TCEA2: variants seen among roughly 807,000 people sequenced by gnomAD.
TCEA2 encodes transcription elongation factor A2.
Under a neutral mutation model 40.8 loss-of-function variants are expected in TCEA2, and 21 were observed. The ratio of observed to expected loss-of-function variants is 0.51; its 90% confidence interval spans 0.36 to 0.74. TCEA2 has a LOEUF of 0.74. TCEA2 is among the 30% of genes least tolerant of loss of function. The pLI, the probability that TCEA2 is intolerant of heterozygous loss-of-function variation, is 0.00. For missense variants in TCEA2, 326 were observed against 426.5 expected (o/e 0.76, Z 2.08); for synonymous variants, 165 against 162.7 (o/e 1.01, Z -0.11).
In TCEA2 at chr20:64,072,318, C is replaced by T; in HGVS notation, c.*138C>T. 1.1e-6 allele frequency: 1 copy of T among 928,618 alleles called. No homozygotes were observed. The allele number at this position is 928,618 out of a possible 1,614,324, so 57.5% of individuals were successfully genotyped here. On this transcript the variant is annotated 3_prime_UTR_variant, in exon 10 of 10. Coordinates refer to ENST00000343484, the MANE Select transcript of TCEA2 (RefSeq NM_003195.6). ...CTGGATTGCACCTTTCTGCCCTTTC[C>T]CCCTCATTATTAAATGTTTCTTTTT...
chr20:64,064,693 T>C (rs1256117381), intron 1 of TCEA2, among the ~76,000 whole-genome samples: 1 of 152,050 alleles, frequency 6.6e-6, no homozygotes, highest in African/African-American at 2.4e-5. Context: ...GAGTCTGGGT[T>C]CCTGTGACCA....
intron 1 of TCEA2, 154 bp downstream of exon 1, chr20:64,063,538 C>G (rs551389504): frequency 1.1e-6 from 1 of 900,120 alleles, no homozygotes; most frequent in African/African-American, 1.7e-5. Context: ...AGACCCCCAC[C>G]CGTGGCCGAG....
intron 5 of TCEA2, 99 bp from the exon 6 acceptor site, chr20:64,069,666 C>T: frequency 6.5e-7 from 1 of 1,542,184 alleles, no homozygotes; most frequent in Non-Finnish European, 8.8e-7. Flanking sequence ...CTTGCAGGGA[C>T]CCGGATGTGC....
At chr20:64,067,048 G>A in intron 3 of TCEA2, 28 bp downstream of exon 3, 1 of 1,586,394 alleles carries the variant, frequency 6.3e-7, no homozygotes, top group Non-Finnish European at 8.6e-7. Flanking sequence ...CCCACTGAGT[G>A]CTGGGGCAGG....
At position 64,069,832 on chromosome 20, in the gene TCEA2, G is replaced by A; in HGVS notation, c.517+11G>A. 6.2e-7 allele frequency: 1 copy of A among 1,612,854 alleles called. No homozygotes were observed. The highest frequency in any genetic ancestry group is 8.5e-7 in the Non-Finnish European group (1 of 1,179,994). Reference sequence around the variant, plus strand: ...CTCAGATCGAGGAATATATCCTTTGGGTAGGGGCTGTGGGCCTGGGTTTCT... The same window carrying A: ...CTCAGATCGAGGAATATATCCTTTGAGTAGGGGCTGTGGGCCTGGGTTTCT... On this transcript the variant is annotated intron_variant, in intron 6 of 9. Transcript: ENST00000343484.
Position 64,068,143 on chromosome 20 carries a change from C to A in TCEA2, c.329+9C>A. 1.2e-6 allele frequency: 2 copies of A among 1,604,834 alleles called. No individual in the cohort carries two copies. Among genetic ancestry groups the A allele is most frequent in the Non-Finnish European group, 1.7e-6 (2 of 1,175,788 alleles). On this transcript the variant is annotated intron_variant, in intron 4 of 9. Coordinates refer to ENST00000343484, the MANE Select transcript of TCEA2 (RefSeq NM_003195.6). ...GAGGCCCCGGATCCCAGGTAGCACA[C>A]CTGGAAGGCAGGTGCACACACTTCT...
chr20:64,071,272 C>T (rs908289903), intron 8 of TCEA2, among the ~76,000 whole-genome samples: 25 of 152,056 alleles, frequency 1.6e-4, no homozygotes, highest in Admixed American at 9.2e-4. Context: ...CACTTGAACC[C>T]GGGAGACAGA....
intron 1 of TCEA2, chr20:64,063,724 C>T (rs928273550): frequency 8.9e-5 from 27 of 303,766 alleles, no homozygotes; most frequent in Non-Finnish European, 1.3e-4. Context: ...CAGCCTGGCC[C>T]GTCGACTCCT....
At chr20:64,066,165 G>GGTCA (rs954335914) in intron 1 of TCEA2, 1 of 277,708 alleles carries the variant, frequency 3.6e-6, no homozygotes, top group African/African-American at 2.2e-5. Context: ...TTCTGGTTTG[G>GGTCA]GTCAGTGACC....
chr20:64,058,777 G>T (rs947048507), upstream of TCEA2, among the ~76,000 whole-genome samples: 3 of 152,208 alleles, frequency 2.0e-5, no homozygotes, highest in Non-Finnish European at 4.4e-5. The surrounding 1 kb of genome is among the most constrained non-coding windows in gnomAD (Gnocchi z 6.7). Context: ...AGCAGCGAGT[G>T]TGGGGGTGCG....
intron 3 of TCEA2, 21 bp from the exon 4 acceptor site, chr20:64,068,026 C>A: frequency 6.3e-7 from 1 of 1,591,952 alleles, no homozygotes; most frequent in Non-Finnish European, 8.6e-7. Context: ...TTGATCAGCC[C>A]ATCCCCGATC....
In TCEA2 at chr20:64,063,368, T is replaced by G; in HGVS notation, c.56T>G (p.Val19Gly). 6.5e-7 allele frequency: 1 copy of G among 1,548,256 alleles called. No individual in the cohort carries two copies. The highest frequency in any genetic ancestry group is 8.7e-7 in the Non-Finnish European group (1 of 1,146,816). Residue 19 changes from valine (V) to glycine (G), a missense_variant, in exon 1 of 10, where the codon GTG (valine) becomes GGG (glycine). Physicochemically the swap from Val to Gly is moderately radical, Grantham distance 109. Coordinates refer to ENST00000343484, the MANE Select transcript of TCEA2 (RefSeq NM_003195.6). ...ARIARRLDKM[V>G]TKKSAEGAMD... ...ATCGCCCGGAGGCTGGACAAGATGGTGACCAAGAAGAGCGCGGTGAGGGGC... is the reference window on the plus strand; with the variant it reads ...ATCGCCCGGAGGCTGGACAAGATGGGGACCAAGAAGAGCGCGGTGAGGGGC...
chr20:64,065,612 G>C (rs2059674398), intron 1 of TCEA2: 1 of 152,170 alleles, frequency 6.6e-6, no homozygotes, highest in Non-Finnish European at 1.5e-5. Flanking sequence ...CTCGGTGGCG[G>C]CTCAGCGCCC....
chr20:64,062,258 G>C (rs2059581119), upstream of TCEA2, among the ~76,000 whole-genome samples: 1 of 152,200 alleles, frequency 6.6e-6, no homozygotes, highest in African/African-American at 2.4e-5. Flanking sequence ...TGCATTACTG[G>C]GGAGCTGCCA....
intron 8 of TCEA2, among the ~76,000 whole-genome samples, chr20:64,071,567 G>T (rs1169684542): frequency 2.0e-5 from 3 of 152,316 alleles, no homozygotes; most frequent in Admixed American, 2.0e-4. Context: ...GCAGCCGCGG[G>T]CACTGGGGAC....
chr20:64,070,130 T>A (rs1376789450), intron 6 of TCEA2, 130 bp from the exon 7 acceptor site: 2 of 1,374,662 alleles, frequency 1.5e-6, no homozygotes, highest in Non-Finnish European at 2.0e-6. Context: ...CAGGTGTGGG[T>A]GGGCAGACCG....
intron 3 of TCEA2, 150 bp downstream of exon 3, chr20:64,067,170 G>A (rs1181013447): frequency 1.1e-5 from 8 of 760,200 alleles, no homozygotes; most frequent in Non-Finnish European, 1.8e-5. Context: ...ACCATGAAGC[G>A]CCCAGCTTGG....
intron 3 of TCEA2, among the ~76,000 whole-genome samples, chr20:64,067,764 C>T (rs949464074): frequency 1.8e-4 from 28 of 152,192 alleles, no homozygotes; most frequent in Admixed American, 1.8e-3. Flanking sequence ...CCAGAGAGGC[C>T]CCAGAGGTGG....
intron 1 of TCEA2, chr20:64,063,734 T>G: frequency 7.2e-6 from 2 of 275,924 alleles, no homozygotes; most frequent in Admixed American, 5.4e-5. Context: ...CGTCGACTCC[T>G]TCCTTGGCCC....
Sources: gnomAD v4.1 joint callset for allele counts (sites outside exome capture counted in the v4.1 genomes callset) on GRCh38, gnomAD v4.1.1 for gene constraint, Gnocchi (gnomAD v3.1) non-coding constraint, MANE v1.5 for transcripts, NCBI Gene and HGNC (gene_info 2026-07-23, HGNC 2026-07-21) for gene names.